The following ETV1 variants were observed in gnomAD, a reference collection of about 807,000 sequenced individuals.
The protein encoded by ETV1 is ETS variant transcription factor 1, also known as ETS translocation variant 1.
In ETV1, 27 loss-of-function variants were observed where a neutral mutation model predicts 62.3. That is an observed-to-expected ratio of 0.43 (90% confidence interval 0.32 to 0.60). The LOEUF is 0.60. ETV1 is among the 20% of genes least tolerant of loss of function. The probability of loss-of-function intolerance (pLI) is 0.06; values close to 1 mark genes in which losing one functional copy is unlikely to be tolerated. For missense variants in ETV1, 605 were observed against 605.8 expected (o/e 1.00, Z 0.01); for synonymous variants, 222 against 199.6 (o/e 1.11, Z -0.94).
In ETV1 at chr7:13,900,801, A is replaced by G. The variant is rs777147886; in HGVS notation, c.1149T>C (p.Ala383=). 1 of 1,611,438 alleles carries G rather than the reference A, an allele frequency of 6.2e-7. No homozygotes were observed. ...RRWGIQKNRP[A]MNYDKLSRSL... is the part of the protein sequence containing the mutation. ...AACGGCTAAGTTTATCATAGTTCAT[A>G]GCTGGCCTGTTTTTCTGAATGCCCC... The change falls in exon 13 of 14, where the codon GCT becomes GCC. Residue 383 remains alanine (A), a synonymous_variant. Coordinates refer to ENST00000430479, the MANE Select transcript of ETV1 (RefSeq NM_004956.5).
intron 6 of ETV1, among the ~76,000 whole-genome samples, chr7:13,970,305 CACACACACACACACA>C (rs1562698643): frequency 1.2e-5 from 1 of 81,822 alleles, no homozygotes; most frequent in African/African-American, 4.2e-5. Flanking sequence ...CACACACACA[CACACACACACACACA>C]CACACAAAGC....
intron 9 of ETV1, among the ~76,000 whole-genome samples, chr7:13,929,150 G>C (rs1785787940): frequency 6.6e-6 from 1 of 152,096 alleles, no homozygotes; most frequent in Admixed American, 6.6e-5. Flanking sequence ...AACAGGATTT[G>C]AAATTTACAG....
chr7:13,902,298 C>T (rs899639944), intron 12 of ETV1, among the ~76,000 whole-genome samples: 1 of 151,788 alleles, frequency 6.6e-6, no homozygotes, highest in African/African-American at 2.4e-5. Flanking sequence ...AAATACCGAT[C>T]CTAGCTATTT....
At chr7:13,932,563 T>C (rs1397270451) in intron 8 of ETV1, among the ~76,000 whole-genome samples, 1 of 152,222 alleles carries the variant, frequency 6.6e-6, no homozygotes, top group Non-Finnish European at 1.5e-5. Context: ...TTCTGAGGCC[T>C]CAGCAGAAGG....
intron 6 of ETV1, among the ~76,000 whole-genome samples, chr7:13,946,344 G>C (rs959386663): frequency 6.6e-6 from 1 of 152,158 alleles, no homozygotes; most frequent in African/African-American, 2.4e-5. Flanking sequence ...ATGGAAGCTT[G>C]ACCTTTAAAA....
At chr7:13,956,219 A>G (rs940741846) in intron 6 of ETV1, among the ~76,000 whole-genome samples, 12 of 152,178 alleles carry the variant, frequency 7.9e-5, no homozygotes, top group African/African-American at 2.4e-5. Flanking sequence ...CTTAATTTTC[A>G]CCCTATTTAT....
intron 9 of ETV1, among the ~76,000 whole-genome samples, chr7:13,929,231 G>C (rs898211727): frequency 6.6e-6 from 1 of 152,082 alleles, no homozygotes; most frequent in Non-Finnish European, 1.5e-5. Context: ...ACCAGTGGAC[G>C]ATACAAAAGG....
intron 6 of ETV1, among the ~76,000 whole-genome samples, chr7:13,944,843 T>C (rs1458467672): frequency 6.6e-6 from 1 of 152,126 alleles, no homozygotes; most frequent in Non-Finnish European, 1.5e-5. Context: ...ATATGACTAG[T>C]ATCCTTATAA....
chr7:13,954,587 G>A (rs943240638), intron 6 of ETV1, among the ~76,000 whole-genome samples: 1 of 152,074 alleles, frequency 6.6e-6, no homozygotes, highest in Non-Finnish European at 1.5e-5. Flanking sequence ...ATTCTCTTTT[G>A]AGTTATTGAA....
chr7:13,986,574 A>G, intron 5 of ETV1, 64 bp downstream of exon 5: 1 of 1,604,272 alleles, frequency 6.2e-7, no homozygotes, highest in Non-Finnish European at 8.5e-7. Context: ...CAGCAAGTTC[A>G]GGACTTCTTT....
rs371254349 is a variant in ETV1, at chr7:13,972,877, A to G, written c.235+4550T>C. Reference sequence around the variant, plus strand: ...CTCCACTTCAGCCTTCCAAAGTGCCAGGATTATAGGCATGAGCCACCATGC... The same window carrying G: ...CTCCACTTCAGCCTTCCAAAGTGCCGGGATTATAGGCATGAGCCACCATGC... On this transcript the variant is annotated intron_variant, in intron 6 of 13. Transcript: ENST00000430479. Among the ~76,000 whole-genome samples the G allele has an allele frequency of 2.4e-4, 37 of 152,256 alleles. No individual in the cohort carries two copies. In the East Asian group the frequency reaches 7.0e-3, roughly 29 times the overall value.
At chr7:13,961,239 G>A (rs1055462913) in intron 6 of ETV1, among the ~76,000 whole-genome samples, 3 of 152,120 alleles carry the variant, frequency 2.0e-5, no homozygotes, top group African/African-American at 4.8e-5. Flanking sequence ...AAATACATCT[G>A]GTCCTGTAGA....
At chr7:13,941,344 G>T (rs922762308) in intron 6 of ETV1, among the ~76,000 whole-genome samples, 4 of 152,024 alleles carry the variant, frequency 2.6e-5, no homozygotes, top group Non-Finnish European at 5.9e-5. Context: ...AATGTTAGAG[G>T]TTCATAAAAT....
intron 9 of ETV1, among the ~76,000 whole-genome samples, chr7:13,917,069 A>G (rs1424316734): frequency 6.6e-6 from 1 of 151,940 alleles, no homozygotes; most frequent in African/African-American, 2.4e-5. Context: ...ACAGTATAGA[A>G]TTTTATCTAC....
At chr7:13,907,960 T>C (rs1157149738) in intron 11 of ETV1, 2 of 369,668 alleles carry the variant, frequency 5.4e-6, no homozygotes, top group East Asian at 1.5e-4. Flanking sequence ...TCGATTTCAA[T>C]GACAGTTTTA....
At chr7:13,964,214 A>G (rs1175643822) in intron 6 of ETV1, among the ~76,000 whole-genome samples, 1 of 152,188 alleles carries the variant, frequency 6.6e-6, no homozygotes, top group Non-Finnish European at 1.5e-5. Flanking sequence ...AGTTCACTTC[A>G]CAGCAGGACC....
rs1782833472 is a variant in ETV1, at chr7:13,989,158, G to A, written c.-87-19C>T. 1.1e-6 allele frequency: 1 copy of A among 889,400 alleles called. No individual in the cohort carries two copies. The highest frequency in any genetic ancestry group is 3.0e-5 in the Admixed American group (1 of 32,892). The allele number at this position is 889,400 out of a possible 1,614,324, so 55.1% of individuals were successfully genotyped here. On this transcript the variant is annotated intron_variant, in intron 2 of 13. Coordinates refer to ENST00000430479, the MANE Select transcript of ETV1 (RefSeq NM_004956.5). The stretch of plus-strand genomic sequence containing the variant: ...TATCAACCTAGAGGGGAACAAGATG[G>A]CTTTTAGGCTTAAAAAAAAATCATG...
Position 13,986,673 on chromosome 7 carries a change from T to A in ETV1, c.146A>T (p.Asp49Val), listed in dbSNP as rs773621570. Residue 49 changes from aspartate to valine, a missense_variant, in exon 5 of 14, where the codon GAT becomes GTT. By Grantham distance (152) the Asp-to-Val change is radical. Coordinates refer to ENST00000430479, the MANE Select transcript of ETV1 (RefSeq NM_004956.5). The part of the protein sequence containing the change: ...LAHDSEELFQ[D>V]LSQLQETWLA... ...CCATGTTTCCTGTAATTGACTTAGA[T>A]CTTGAAAGAGTTCTAAAAAACAAGT... 1 of 1,611,058 alleles carries A rather than the reference T, an allele frequency of 6.2e-7. No homozygotes were observed. Among genetic ancestry groups the A allele is most frequent in the Non-Finnish European group, 8.5e-7 (1 of 1,178,888 alleles).
chr7:13,943,312 T>C (rs1220524724), intron 6 of ETV1, among the ~76,000 whole-genome samples: 3 of 152,248 alleles, frequency 2.0e-5, no homozygotes, highest in African/African-American at 7.2e-5. Flanking sequence ...TATATAGCTG[T>C]ATCAGATAGT....
Sources: gnomAD v4.1 joint callset for allele counts (sites outside exome capture counted in the v4.1 genomes callset) on GRCh38, gnomAD v4.1.1 for gene constraint, MANE v1.5 for transcripts, NCBI Gene and HGNC (gene_info 2026-07-23, HGNC 2026-07-21) for gene names.